Variants in ZBTB7C observed in about 807,000 individuals in gnomAD.
ZBTB7C encodes the protein zinc finger and BTB domain containing 7C.
In ZBTB7C, 8 loss-of-function variants were observed where a neutral mutation model predicts 25.7. The observed-to-expected ratio is 0.31, with a 90% CI of 0.18 to 0.56. The LOEUF (loss-of-function observed/expected upper bound fraction) is 0.56, where lower values mean the gene tolerates loss of function less well. Ranked by LOEUF, ZBTB7C falls within the 20% of genes least tolerant of loss-of-function variation. ZBTB7C has a pLI of 0.91. For missense variants in ZBTB7C, 824 were observed against 855.2 expected (o/e 0.96, Z 0.46); for synonymous variants, 394 against 369.0 (o/e 1.07, Z -0.78).
chr18:48,063,182 C>A (rs1389361382), intron 3 of ZBTB7C, among the ~76,000 whole-genome samples: 1 of 152,244 alleles, frequency 6.6e-6, no homozygotes, highest in African/African-American at 2.4e-5. Flanking sequence ...CCCTCTGTCT[C>A]AGGCAAGTTG....
intron 1 of ZBTB7C, among the ~76,000 whole-genome samples, chr18:48,383,391 G>A (rs371284226): frequency 2.8e-4 from 42 of 151,866 alleles, no homozygotes; most frequent in Non-Finnish European, 3.8e-4. Context: ...TCAGCCTCCC[G>A]AGCAGCTGGG....
chr18:48,107,129 G>C (rs2039059969), intron 3 of ZBTB7C, among the ~76,000 whole-genome samples: 2 of 150,642 alleles, frequency 1.3e-5, no homozygotes, highest in South Asian at 4.2e-4. Context: ...GAGAGGGGAG[G>C]TGGAGAATGT....
At chr18:48,154,117 C>A (rs1348331354) in intron 3 of ZBTB7C, among the ~76,000 whole-genome samples, 3 of 152,188 alleles carry the variant, frequency 2.0e-5, no homozygotes, top group Non-Finnish European at 4.4e-5. Context: ...ACCCAGTAAG[C>A]AAGCAGGGGT....
At chr18:48,111,616 C>G (rs1044087607) in intron 3 of ZBTB7C, among the ~76,000 whole-genome samples, 7 of 152,192 alleles carry the variant, frequency 4.6e-5, no homozygotes, top group African/African-American at 1.7e-4. Flanking sequence ...GAGGCATGCT[C>G]TGTTTTCACC....
chr18:48,164,222 C>G (rs140178302), intron 3 of ZBTB7C, among the ~76,000 whole-genome samples: 1 of 152,124 alleles, frequency 6.6e-6, no homozygotes, highest in Non-Finnish European at 1.5e-5. Context: ...AATCACACCC[C>G]GGGTTATGCA....
chr18:48,043,830 C>T (rs555695536), intron 3 of ZBTB7C, among the ~76,000 whole-genome samples: 33 of 152,292 alleles, frequency 2.2e-4, no homozygotes, highest in East Asian at 3.9e-4. Context: ...AAGCAAATGA[C>T]GGGAAACAAC....
intron 1 of ZBTB7C, chr18:48,408,226 G>C (rs13381352): frequency 0.081 from 12,372 of 152,360 alleles, 762 homozygotes; most frequent in African/African-American, 0.17. Flanking sequence ...AAAGATAACG[G>C]GAGCTGCCGC....
chr18:48,274,180 A>T (rs1310933832), intron 2 of ZBTB7C, among the ~76,000 whole-genome samples: 1 of 152,116 alleles, frequency 6.6e-6, no homozygotes, highest in Admixed American at 6.5e-5. Flanking sequence ...TAGGACCCTT[A>T]ATCTCATGCT....
At chr18:48,062,896 C>T (rs536412655) in intron 3 of ZBTB7C, among the ~76,000 whole-genome samples, 1 of 152,210 alleles carries the variant, frequency 6.6e-6, no homozygotes, top group Non-Finnish European at 1.5e-5. Flanking sequence ...AGATGCTTGT[C>T]CTGGCACAGG....
In ZBTB7C at chr18:48,387,704, T is replaced by C. The variant is rs569283725; in HGVS notation, c.-304+21522A>G. On this transcript the variant is annotated intron_variant, in intron 1 of 4. Transcript: ENST00000590800. Reference sequence around the variant, plus strand: ...TAACCTGCATGCACACAGCAAGGGCTAGCTTTATCAGAAGCGGCAAACCAG... The same window carrying C: ...TAACCTGCATGCACACAGCAAGGGCCAGCTTTATCAGAAGCGGCAAACCAG... Among the ~76,000 whole-genome samples, 6 of 152,328 alleles carry C rather than the reference T, an allele frequency of 3.9e-5. No individual in the cohort carries two copies. The East Asian group carries it at 1.2e-3, about 29-fold the overall frequency.
At chr18:48,361,990 C>T (rs1487378465) in intron 1 of ZBTB7C, among the ~76,000 whole-genome samples, 1 of 152,190 alleles carries the variant, frequency 6.6e-6, no homozygotes, top group Non-Finnish European at 1.5e-5. Context: ...ATGTGCCTCT[C>T]TCAGGTGAGC....
At chr18:48,155,318 CTTTTTT>C (rs578058729) in intron 3 of ZBTB7C, among the ~76,000 whole-genome samples, 1 of 78,006 alleles carries the variant, frequency 1.3e-5, no homozygotes, top group Non-Finnish European at 2.3e-5. Context: ...CTGTAATATT[CTTTTTT>C]TTTTTTTTTT....
chr18:48,260,602 C>A (rs951479841), intron 2 of ZBTB7C, among the ~76,000 whole-genome samples: 13 of 152,182 alleles, frequency 8.5e-5, no homozygotes, highest in Non-Finnish European at 1.8e-4. Context: ...CAGATCAAGG[C>A]AGACTGCAAC....
At chr18:48,148,959 A>T (rs2040582102) in intron 3 of ZBTB7C, 1 of 152,228 alleles carries the variant, frequency 6.6e-6, no homozygotes, top group African/African-American at 2.4e-5. Context: ...CTTGTGAGTT[A>T]TCAGATTCCT....
At chr18:48,256,275 G>T (rs2144483489) in intron 2 of ZBTB7C, among the ~76,000 whole-genome samples, 1 of 152,160 alleles carries the variant, frequency 6.6e-6, no homozygotes, top group Non-Finnish European at 1.5e-5. Context: ...CAGGGTGAGT[G>T]GAGGGGAAGA....
At chr18:48,342,308 T>C (rs1445561924) in intron 1 of ZBTB7C, among the ~76,000 whole-genome samples, 1 of 152,234 alleles carries the variant, frequency 6.6e-6, no homozygotes, top group Non-Finnish European at 1.5e-5. Flanking sequence ...GTGGGACTGA[T>C]GCCAACGTCT....
At chr18:48,318,813 G>A (rs1158795687) in intron 2 of ZBTB7C, among the ~76,000 whole-genome samples, 1 of 152,090 alleles carries the variant, frequency 6.6e-6, no homozygotes, top group Non-Finnish European at 1.5e-5. Context: ...GCCGTCTTCT[G>A]GGTCCCTGGT....
In ZBTB7C at chr18:48,113,266, A is replaced by G. The variant is rs73956496; in HGVS notation, c.-16-72143T>C. On this transcript the variant is annotated intron_variant, in intron 3 of 4. Coordinates refer to ENST00000590800, the MANE Select transcript of ZBTB7C (RefSeq NM_001318841.2). ...AAGCCTCAGTTATCTCATCTGCTAAATGGAGATAATACCCCCTGGTCTGTC... is the reference window on the plus strand; with the variant it reads ...AAGCCTCAGTTATCTCATCTGCTAAGTGGAGATAATACCCCCTGGTCTGTC... 1.4e-4 allele frequency among the ~76,000 whole-genome samples: 22 copies of G among 152,304 alleles called. No homozygotes were observed. The East Asian group carries it at 4.2e-3, about 29-fold the overall frequency.
intron 3 of ZBTB7C, among the ~76,000 whole-genome samples, chr18:48,120,600 C>T (rs2039595636): frequency 6.6e-6 from 1 of 151,958 alleles, no homozygotes; most frequent in Non-Finnish European, 1.5e-5. Context: ...CAGAGTGAGA[C>T]TCCGTCTTAA....
Sources: allele counts gnomAD v4.1 joint callset (sites outside exome capture counted in the v4.1 genomes callset), GRCh38; gene constraint gnomAD v4.1.1; transcripts MANE v1.5; gene names NCBI Gene and HGNC (gene_info 2026-07-23, HGNC 2026-07-21).